The following COL24A1 variants were observed in gnomAD, a reference collection of about 807,000 sequenced individuals.
COL24A1 encodes the protein collagen type XXIV alpha 1 chain, also known as collagen alpha-1(XXIV) chain.
Under a neutral mutation model 253.9 loss-of-function variants are expected in COL24A1, and 224 were observed. That is an observed-to-expected ratio of 0.88 (90% CI 0.79 to 0.99). The LOEUF is 0.99. COL24A1 is among the 50% of genes least tolerant of loss of function. The probability of loss-of-function intolerance (pLI) is 0.00; values close to 1 mark genes in which losing one functional copy is unlikely to be tolerated. For missense variants in COL24A1, 2,131 were observed against 2,068.5 expected, an observed-to-expected ratio of 1.03 and a Z score of -0.59; for synonymous variants, 685 against 673.7, an observed-to-expected ratio of 1.02 and a Z score of -0.26.
chr1:85,926,902 A>C (rs2103061667), intron 24 of COL24A1, among the ~76,000 whole-genome samples: 1 of 152,292 alleles, frequency 6.6e-6, no homozygotes, highest in African/African-American at 2.4e-5. Context: ...TAAAAGTTTC[A>C]AGAAGAGAGA....
chr1:86,096,908 T>A (rs1297444653), intron 5 of COL24A1, among the ~76,000 whole-genome samples: 1 of 152,182 alleles, frequency 6.6e-6, no homozygotes, highest in African/African-American at 2.4e-5. Context: ...TCTTAGCTAG[T>A]GATCTTGTTT....
At chr1:86,047,816 T>A (rs186481522) in intron 11 of COL24A1, among the ~76,000 whole-genome samples, 1 of 152,244 alleles carries the variant, frequency 6.6e-6, no homozygotes, top group Non-Finnish European at 1.5e-5. Flanking sequence ...TTTCTGTTAC[T>A]TGCAGATTAA....
intron 5 of COL24A1, among the ~76,000 whole-genome samples, chr1:86,108,620 T>TAAAAAAAAAAAAAAAAAAAAAAAA (rs55852463): frequency 2.4e-5 from 2 of 83,102 alleles, no homozygotes; most frequent in African/African-American, 1.0e-4. Context: ...CCATCTCTAC[T>TAAAAAAAAAAAAAAAAAAAAAAAA]AAAAAAAAAA....
chr1:86,032,370 C>T (rs546832806), intron 13 of COL24A1, among the ~76,000 whole-genome samples: 337 of 152,140 alleles, frequency 2.2e-3, no homozygotes, highest in Non-Finnish European at 3.8e-3. Context: ...CTTCATTTTT[C>T]TCATTAAAAT....
chr1:86,107,637 C>G (rs1038539240), intron 5 of COL24A1, among the ~76,000 whole-genome samples: 4 of 151,986 alleles, frequency 2.6e-5, no homozygotes, highest in Admixed American at 2.0e-4. Context: ...CGGGTTCACG[C>G]CATTCTCCTG....
At chr1:85,795,586 G>A (rs1670717369) in intron 47 of COL24A1, among the ~76,000 whole-genome samples, 1 of 152,024 alleles carries the variant, frequency 6.6e-6, no homozygotes, top group African/African-American at 2.4e-5. Context: ...AAATGACACT[G>A]AACTTCATAT....
At chr1:85,858,617 CTCCCTCCTTCCTTCCTTCCT>C (rs1678730320) in intron 37 of COL24A1, among the ~76,000 whole-genome samples, 1 of 50,642 alleles carries the variant, frequency 2.0e-5, no homozygotes, top group African/African-American at 5.0e-5. Flanking sequence ...TCCTTATTTT[CTCCCTCCTTCCTTCCTTCCT>C]TCCTTCCTTC....
intron 43 of COL24A1, among the ~76,000 whole-genome samples, chr1:85,829,158 T>G (rs1396737805): frequency 1.6e-4 from 24 of 148,468 alleles, no homozygotes; most frequent in African/African-American, 5.7e-4. Flanking sequence ...GTCTGTAAAG[T>G]ATTTTATTTC....
chr1:85,775,357 G>A (rs1668430482), intron 53 of COL24A1, among the ~76,000 whole-genome samples: 1 of 152,088 alleles, frequency 6.6e-6, no homozygotes, highest in South Asian at 2.1e-4. Flanking sequence ...GTTGATTTGG[G>A]GTGGAGAGTT....
chr1:85,871,530 G>T (rs1201079647), intron 35 of COL24A1, among the ~76,000 whole-genome samples: 5 of 152,176 alleles, frequency 3.3e-5, no homozygotes, highest in Non-Finnish European at 7.3e-5. Context: ...TGGGATGCAA[G>T]GCTGGTTCAA....
At chr1:85,975,050 G>A (rs1238608322) in intron 20 of COL24A1, among the ~76,000 whole-genome samples, 4 of 151,884 alleles carry the variant, frequency 2.6e-5, no homozygotes, top group Admixed American at 1.3e-4. Flanking sequence ...TAGTCATCAG[G>A]GAAATGCAAA....
chr1:85,868,538 G>A lies in COL24A1; in HGVS notation c.3281C>T (p.Ser1094Leu). The change falls in exon 37 of 60, where the codon TCA (serine) becomes TTA (leucine). Residue 1094 changes from serine (S) to leucine (L), a missense_variant. Physicochemically the swap from Ser to Leu is moderately radical, Grantham distance 145 (BLOSUM62 -2). Coordinates refer to ENST00000370571, the MANE Select transcript of COL24A1 (RefSeq NM_152890.7). ...LPGIIGPLGRSGQTGLPGPEG... is the reference protein window; with the variant it reads ...LPGIIGPLGRLGQTGLPGPEG... ...ACTTACCGGAAGGCCTGTTTGGCCT[G>A]ATCTACCCAAGGGTCCTATAATTCC... 6.2e-7 allele frequency: 1 copy of A among 1,613,642 alleles called. No individual in the cohort carries two copies. Among genetic ancestry groups the A allele is most frequent in the East Asian group, 2.2e-5 (1 of 44,846 alleles).
chr1:86,124,984 CCTT>C lies in COL24A1; in HGVS notation c.1349_1351del (p.Glu450del). ...ATAAGTAGCATCAGGATAAAATTCA[CCTT>C]CTTTCCTTAGATCAAGGTGATTATC... On this transcript the variant is annotated inframe_deletion, in exon 3 of 60. Coordinates refer to ENST00000370571, the MANE Select transcript of COL24A1 (RefSeq NM_152890.7). 1 of 1,613,198 alleles carries C rather than the reference CCTT, an allele frequency of 6.2e-7. No homozygotes were observed. The highest frequency in any genetic ancestry group is 8.5e-7 in the Non-Finnish European group (1 of 1,179,652).
At chr1:85,919,552 C>T (rs1686240692) in intron 24 of COL24A1, among the ~76,000 whole-genome samples, 1 of 152,142 alleles carries the variant, frequency 6.6e-6, no homozygotes, top group Non-Finnish European at 1.5e-5. Context: ...GGTTTGGTGG[C>T]CCGTGTCTGT....
At chr1:85,950,815 T>C (rs1222192454) in intron 24 of COL24A1, among the ~76,000 whole-genome samples, 1 of 152,236 alleles carries the variant, frequency 6.6e-6, no homozygotes, top group Non-Finnish European at 1.5e-5. Flanking sequence ...ATAGAAGTGA[T>C]ACTGGCATTG....
chr1:85,971,348 C>G lies in COL24A1; in HGVS notation c.2410G>C (p.Gly804Arg). 6.2e-7 allele frequency: 1 copy of G among 1,612,518 alleles called. No individual in the cohort carries two copies. Among genetic ancestry groups the G allele is most frequent in the Non-Finnish European group, 8.5e-7 (1 of 1,179,350 alleles). Residue 804 changes from glycine to arginine, a missense_variant, in exon 21 of 60, where the codon GGA becomes CGA. Physicochemically the swap from Gly to Arg is moderately radical, Grantham distance 125 (BLOSUM62 -2). Transcript: ENST00000370571. ...TATCACTTCTTCCATACCTGAGTTCCTTTGAGACCAGGAGGTCCAGGAGGT... is the reference window on the plus strand; with the variant it reads ...TATCACTTCTTCCATACCTGAGTTCGTTTGAGACCAGGAGGTCCAGGAGGT... ...RGPPGPPGLK[G>R]TQGEEGPIGA... is the part of the protein sequence containing the mutation.
intron 35 of COL24A1, among the ~76,000 whole-genome samples, chr1:85,870,495 G>C (rs1305491619): frequency 6.6e-6 from 1 of 152,140 alleles, no homozygotes; most frequent in Non-Finnish European, 1.5e-5. Context: ...ATAACAAACT[G>C]TCTCTCAGAC....
chr1:86,087,545 T>C (rs1054678248), intron 7 of COL24A1, among the ~76,000 whole-genome samples: 6 of 152,184 alleles, frequency 3.9e-5, no homozygotes. Flanking sequence ...TTTTCTGGAG[T>C]GCTAATTTCA....
At chr1:85,880,251 C>A (rs536576316) in intron 32 of COL24A1, among the ~76,000 whole-genome samples, 1 of 152,202 alleles carries the variant, frequency 6.6e-6, no homozygotes, top group African/African-American at 2.4e-5. Context: ...ACAACTATTT[C>A]TTTCTCTCTT....
Sources: allele counts gnomAD v4.1 joint callset (sites outside exome capture counted in the v4.1 genomes callset), GRCh38; gene constraint gnomAD v4.1.1; transcripts MANE v1.5; gene names NCBI Gene and HGNC (gene_info 2026-07-23, HGNC 2026-07-21).